Variants in EPHA7 observed in about 807,000 individuals in gnomAD.
The protein encoded by EPHA7 is EPH receptor A7, also known as ephrin type-A receptor 7.
Under a neutral mutation model 112.6 loss-of-function variants are expected in EPHA7, and 25 were observed. The observed-to-expected ratio is 0.22, with a 90% CI of 0.16 to 0.31. EPHA7 has a LOEUF of 0.31. EPHA7 is among the 10% of genes least tolerant of loss of function. EPHA7 has a pLI of 1.00. For synonymous variants in EPHA7, 437 were observed against 406.5 expected, an observed-to-expected ratio of 1.07 and a Z score of -0.90; for missense variants, 962 against 1,212.6, an observed-to-expected ratio of 0.79 and a Z score of 3.07.
chr6:93,385,954 A>T (rs1361954432), intron 3 of EPHA7, among the ~76,000 whole-genome samples: 1 of 152,134 alleles, frequency 6.6e-6, no homozygotes, highest in Non-Finnish European at 1.5e-5. Flanking sequence ...ACTCCTTATA[A>T]AACCACCAAA....
intron 5 of EPHA7, among the ~76,000 whole-genome samples, chr6:93,312,731 C>T (rs74428498): frequency 6.6e-6 from 1 of 152,152 alleles, no homozygotes; most frequent in Non-Finnish European, 1.5e-5. Context: ...CTCAGCTTTC[C>T]ACATGCCTTC....
At chr6:93,388,829 T>C (rs1002281010) in intron 3 of EPHA7, among the ~76,000 whole-genome samples, 7 of 151,946 alleles carry the variant, frequency 4.6e-5, no homozygotes, top group Non-Finnish European at 8.8e-5. Context: ...AAAAAAGGAT[T>C]TTGATTAAAT....
chr6:93,382,940 T>C (rs1777413312), intron 3 of EPHA7, among the ~76,000 whole-genome samples: 1 of 152,160 alleles, frequency 6.6e-6, no homozygotes, highest in Admixed American at 6.5e-5. Context: ...AAGGAGATTT[T>C]AGGGAAAGTG....
chr6:93,406,973 G>C (rs1305795398), intron 3 of EPHA7, among the ~76,000 whole-genome samples: 1 of 151,780 alleles, frequency 6.6e-6, no homozygotes. Flanking sequence ...GACAATAAAA[G>C]TATACTAAAT....
intron 15 of EPHA7, among the ~76,000 whole-genome samples, chr6:93,246,264 C>A (rs901738891): frequency 6.6e-6 from 1 of 151,930 alleles, no homozygotes; most frequent in South Asian, 2.1e-4. Flanking sequence ...GTTGGCCAGG[C>A]TGGTCTCGAA....
At chr6:93,265,171 A>C (rs1770872529) in intron 7 of EPHA7, among the ~76,000 whole-genome samples, 1 of 151,662 alleles carries the variant, frequency 6.6e-6, no homozygotes, top group East Asian at 1.9e-4. Flanking sequence ...TCATCAATTA[A>C]AATGGAAAGC....
At chr6:93,319,199 C>G (rs535343780) in intron 5 of EPHA7, among the ~76,000 whole-genome samples, 1 of 152,120 alleles carries the variant, frequency 6.6e-6, no homozygotes, top group African/African-American at 2.4e-5. Context: ...TTGCAAAATA[C>G]TCTAGAAAGA....
intron 5 of EPHA7, among the ~76,000 whole-genome samples, chr6:93,348,262 G>A (rs1016026489): frequency 6.6e-6 from 1 of 151,672 alleles, no homozygotes; most frequent in South Asian, 2.1e-4. Flanking sequence ...AAGAGTCATG[G>A]CACAGTGATG....
At chr6:93,392,972 T>C (rs1300755295) in intron 3 of EPHA7, among the ~76,000 whole-genome samples, 1 of 151,896 alleles carries the variant, frequency 6.6e-6, no homozygotes. Flanking sequence ...TTTATTAAAT[T>C]AATTATAGTA....
chr6:93,258,603 T>C (rs1218846561), intron 10 of EPHA7, among the ~76,000 whole-genome samples: 2 of 150,364 alleles, frequency 1.3e-5, no homozygotes, highest in Non-Finnish European at 3.0e-5. Context: ...TATTTTTCAA[T>C]TGAATTAACC....
chr6:93,319,947 G>A (rs990539080), intron 5 of EPHA7, among the ~76,000 whole-genome samples: 5 of 151,840 alleles, frequency 3.3e-5, no homozygotes, highest in African/African-American at 1.2e-4. Context: ...CAATTTCTGT[G>A]GTAAGCTGAA....
Position 93,240,363 on chromosome 6 carries a change from G to A in EPHA7, c.*3063C>T. Reference sequence around the variant, plus strand: ...ATATCAGCATTACCTAAATAAAAAAGAGAGGTGAATCACACCATTTTAATT... The same window carrying A: ...ATATCAGCATTACCTAAATAAAAAAAAGAGGTGAATCACACCATTTTAATT... On this transcript the variant is annotated 3_prime_UTR_variant, in exon 17 of 17. Transcript: ENST00000369303. 4.5e-6 allele frequency: 1 copy of A among 224,540 alleles called. No individual in the cohort carries two copies. Among genetic ancestry groups the A allele is most frequent in the Non-Finnish European group, 8.9e-6 (1 of 112,662 alleles). 13.9% of individuals were successfully genotyped at this position (224,540 alleles called of 1,614,324 possible).
At chr6:93,330,895 G>T (rs529748968) in intron 5 of EPHA7, among the ~76,000 whole-genome samples, 1 of 151,346 alleles carries the variant, frequency 6.6e-6, no homozygotes, top group African/African-American at 2.4e-5. Context: ...CATTTCAAAA[G>T]GTGTAAAGCA....
At chr6:93,300,019 T>C (rs1562080199) in intron 5 of EPHA7, among the ~76,000 whole-genome samples, 2 of 152,088 alleles carry the variant, frequency 1.3e-5, no homozygotes, top group Non-Finnish European at 1.5e-5. Context: ...AAATAACTAC[T>C]GGGTAGTAGG....
chr6:93,296,047 A>C (rs1772645469), intron 5 of EPHA7, among the ~76,000 whole-genome samples: 1 of 151,742 alleles, frequency 6.6e-6, no homozygotes, highest in African/African-American at 2.4e-5. Context: ...TCGAGCAATA[A>C]ATATTTTATG....
At chr6:93,366,563 G>A (rs552235738) in intron 3 of EPHA7, among the ~76,000 whole-genome samples, 9 of 152,198 alleles carry the variant, frequency 5.9e-5, no homozygotes, top group African/African-American at 1.9e-4. Flanking sequence ...GAAACATACA[G>A]TACACCCACT....
chr6:93,265,781 T>G (rs2127871021), intron 7 of EPHA7, among the ~76,000 whole-genome samples: 1 of 151,844 alleles, frequency 6.6e-6, no homozygotes, highest in Non-Finnish European at 1.5e-5. Context: ...GGAAATACCA[T>G]TCCTTCTTGT....
intron 10 of EPHA7, 91 bp from the exon 11 acceptor site, chr6:93,258,375 T>A: frequency 1.6e-6 from 2 of 1,248,902 alleles, no homozygotes; most frequent in Non-Finnish European, 1.1e-6. Context: ...TTTCTTTAAC[T>A]TTTAGTAAAT....
intron 5 of EPHA7, among the ~76,000 whole-genome samples, chr6:93,313,174 G>A (rs1050203765): frequency 1.3e-5 from 2 of 152,078 alleles, no homozygotes; most frequent in Non-Finnish European, 2.9e-5. Context: ...CCTTCAATTC[G>A]TAAAAAATGC....
Sources: allele counts gnomAD v4.1 joint callset (sites outside exome capture counted in the v4.1 genomes callset), GRCh38; gene constraint gnomAD v4.1.1; transcripts MANE v1.5; gene names NCBI Gene and HGNC (gene_info 2026-07-23, HGNC 2026-07-21).